Variants in NLGN1 observed in about 807,000 individuals in gnomAD.
The protein encoded by NLGN1 is neuroligin-1.
A neutral mutation model predicts 65.5 loss-of-function variants in NLGN1; 12 were observed. The observed-to-expected ratio is 0.18, with a 90% CI of 0.12 to 0.30. The LOEUF (loss-of-function observed/expected upper bound fraction) is 0.30. NLGN1 is among the 10% of genes least tolerant of loss of function. The probability of loss-of-function intolerance (pLI) is 1.00; values close to 1 mark genes in which losing one functional copy is unlikely to be tolerated. For synonymous variants in NLGN1, 350 were observed against 359.5 expected (o/e 0.97, Z 0.30); for missense variants, 750 against 1,007.1 (o/e 0.74, Z 3.46).
At position 173,737,036 on chromosome 3, in the gene NLGN1, G is replaced by A. The variant is rs1489676448; in HGVS notation, c.494-70644G>A. Among the ~76,000 whole-genome samples the A allele has an allele frequency of 2.6e-5, 4 of 151,810 alleles. No homozygotes were observed. The South Asian group carries it at 8.3e-4, about 31-fold the overall frequency. ...TTTACAAAGAATCTTTCTAATTATA[G>A]TAATATTACTAAACAGAACCCATTT... On this transcript the variant is annotated intron_variant, in intron 3 of 6. Coordinates refer to ENST00000457714, the Ensembl canonical transcript of NLGN1.
At chr3:173,449,779 GTTC>G (rs1216250630) in intron 2 of NLGN1, among the ~76,000 whole-genome samples, 3 of 152,194 alleles carry the variant, frequency 2.0e-5, no homozygotes, top group African/African-American at 4.8e-5. Flanking sequence ...AGGAGAGTTA[GTTC>G]TTCTTATTGA....
At chr3:173,934,387 G>A (rs530350709) in intron 4 of NLGN1, among the ~76,000 whole-genome samples, 5 of 150,820 alleles carry the variant, frequency 3.3e-5, no homozygotes, top group South Asian at 4.2e-4. Flanking sequence ...TTTATGAAGC[G>A]GTTGCAAGAA....
At chr3:173,460,051 A>ATT (rs1043772546) in intron 2 of NLGN1, among the ~76,000 whole-genome samples, 17 of 152,090 alleles carry the variant, frequency 1.1e-4, no homozygotes, top group African/African-American at 3.9e-4. Flanking sequence ...AAAAATCAAT[A>ATT]TTTTTTAATT....
intron 4 of NLGN1, among the ~76,000 whole-genome samples, chr3:173,927,685 G>T (rs977700949): frequency 2.0e-5 from 3 of 151,990 alleles, no homozygotes; most frequent in African/African-American, 7.2e-5. Flanking sequence ...AGGAGACAAG[G>T]GGGACATTGT....
intron 4 of NLGN1, among the ~76,000 whole-genome samples, chr3:174,174,123 A>G (rs1397744504): frequency 6.6e-6 from 1 of 150,452 alleles, no homozygotes; most frequent in East Asian, 1.9e-4. Context: ...AATAGTCTCC[A>G]ATCTCATCCA....
At chr3:173,959,967 A>G (rs953634022) in intron 4 of NLGN1, among the ~76,000 whole-genome samples, 5 of 152,074 alleles carry the variant, frequency 3.3e-5, no homozygotes, top group African/African-American at 1.2e-4. Flanking sequence ...TCAACCATAT[A>G]TTTTTAGAAA....
intron 4 of NLGN1, among the ~76,000 whole-genome samples, chr3:173,919,499 C>T (rs1486543691): frequency 2.0e-5 from 3 of 152,100 alleles, no homozygotes; most frequent in African/African-American, 7.2e-5. Context: ...AGCCACATTT[C>T]ACAGAAGAGG....
intron 4 of NLGN1, among the ~76,000 whole-genome samples, chr3:174,080,070 A>G (rs1038811057): frequency 1.3e-5 from 2 of 152,124 alleles, no homozygotes; most frequent in African/African-American, 4.8e-5. Context: ...TAAACAATGG[A>G]AAAAAAACTG....
At chr3:173,397,073 AT>A (rs1716743773), upstream of NLGN1, among the ~76,000 whole-genome samples, 1 of 151,006 alleles carries the variant, frequency 6.6e-6, no homozygotes, top group Non-Finnish European at 1.5e-5. Context: ...GCAATAAAAA[AT>A]AATGAACTTT....
intron 3 of NLGN1, among the ~76,000 whole-genome samples, chr3:173,726,962 A>G (rs1771914187): frequency 6.6e-6 from 1 of 151,932 alleles, no homozygotes; most frequent in East Asian, 1.9e-4. Flanking sequence ...AAGAAGAAGA[A>G]GAAGAAGAAA....
intron 1 of NLGN1, among the ~76,000 whole-genome samples, chr3:173,419,604 G>C (rs145646690): frequency 0.024 from 3,579 of 152,206 alleles, 67 homozygotes; most frequent in African/African-American, 0.039. Flanking sequence ...GCCTCTCAAA[G>C]CTCAGGGATT....
chr3:173,681,261 G>A (rs1763905345), intron 3 of NLGN1, among the ~76,000 whole-genome samples: 1 of 152,098 alleles, frequency 6.6e-6, no homozygotes, highest in South Asian at 2.1e-4. Context: ...CCAAGCTAAG[G>A]TAACAAAATG....
In NLGN1 at chr3:173,976,762, C is replaced by G. The variant is rs187044494; in HGVS notation, c.646+168930C>G. On this transcript the variant is annotated intron_variant, in intron 4 of 6. Coordinates refer to ENST00000457714, the Ensembl canonical transcript of NLGN1. The stretch of plus-strand genomic sequence containing the variant: ...GTCTATGACCTTTCATGTTTCTTAG[C>G]TGTCATTTCCTCATGCACACATTGG... Among the ~76,000 whole-genome samples, 253 of 152,152 alleles carry G rather than the reference C, an allele frequency of 1.7e-3. 2 individuals are homozygous for G. The highest frequency in any genetic ancestry group is 0.01 in the Middle Eastern group (3 of 294).
chr3:174,148,451 A>G (rs1293670219), intron 4 of NLGN1, among the ~76,000 whole-genome samples: 1 of 152,182 alleles, frequency 6.6e-6, no homozygotes, highest in Non-Finnish European at 1.5e-5. Context: ...TTAGAAATAC[A>G]TACCAAATTG....
intron 4 of NLGN1, among the ~76,000 whole-genome samples, chr3:174,118,177 A>G (rs1265077482): frequency 1.3e-5 from 2 of 152,178 alleles, no homozygotes; most frequent in East Asian, 3.8e-4. Flanking sequence ...TTTAAGTGGA[A>G]TGGGCAGCAA....
At chr3:173,689,003 G>A (rs1502464) in intron 3 of NLGN1, among the ~76,000 whole-genome samples, 144,631 of 152,208 alleles carry the variant, frequency 0.95, 68,758 homozygotes, top group East Asian at 0.99. Context: ...ATAATTTATG[G>A]CTAACATCTG....
At chr3:174,245,349 TTC>T (rs1404469187) in intron 4 of NLGN1, among the ~76,000 whole-genome samples, 2 of 152,204 alleles carry the variant, frequency 1.3e-5, no homozygotes, top group Non-Finnish European at 2.9e-5. Context: ...TAGGCTTTCT[TTC>T]TAGATTGTGG....
chr3:173,421,716 T>C (rs1332854961), intron 1 of NLGN1, among the ~76,000 whole-genome samples: 1 of 151,868 alleles, frequency 6.6e-6, no homozygotes. Flanking sequence ...GACAGGGTTT[T>C]GGCGTGTTGC....
exon 7 of NLGN1, chr3:174,285,285 C>T (rs1751980093): frequency 6.6e-6 from 1 of 151,470 alleles, no homozygotes; most frequent in Admixed American, 6.6e-5. Flanking sequence ...GTTCAAAGTA[C>T]TGGCCTTTTC....
Sources: gnomAD v4.1 joint callset for allele counts (sites outside exome capture counted in the v4.1 genomes callset) on GRCh38, gnomAD v4.1.1 for gene constraint, MANE v1.5 for transcripts, NCBI Gene and HGNC (gene_info 2026-07-23, HGNC 2026-07-21) for gene names.